The following LRRC7 variants were observed in gnomAD, a reference collection of about 807,000 sequenced individuals.
LRRC7 encodes leucine rich repeat containing 7, also known as leucine-rich repeat-containing protein 7.
In LRRC7, 23 loss-of-function variants were observed where a neutral mutation model predicts 175.7. The ratio of observed to expected loss-of-function variants is 0.13; its 90% confidence interval spans 0.09 to 0.19. The LOEUF (loss-of-function observed/expected upper bound fraction) is 0.19, where lower values mean the gene tolerates loss of function less well. Among genes scored for constraint, LRRC7 ranks in the 10% least tolerant of loss-of-function variants. LRRC7 has a pLI of 1.00. For synonymous variants in LRRC7, 685 were observed against 680.9 expected (o/e 1.01, Z -0.09); for missense variants, 1,354 against 1,904.7 (o/e 0.71, Z 5.38).
intron 7 of LRRC7, among the ~76,000 whole-genome samples, chr1:69,847,748 C>T (rs1282298746): frequency 6.6e-6 from 1 of 152,090 alleles, no homozygotes; most frequent in Non-Finnish European, 1.5e-5. Flanking sequence ...CTTAATAACG[C>T]TTGCCTGTGC....
intron 2 of LRRC7, among the ~76,000 whole-genome samples, chr1:69,712,290 A>T (rs1041555393): frequency 6.6e-6 from 1 of 151,880 alleles, no homozygotes; most frequent in Non-Finnish European, 1.5e-5. Flanking sequence ...TTTAAAATTT[A>T]ATTTTCTAAA....
chr1:69,870,498 G>A (rs1685416535), intron 7 of LRRC7, among the ~76,000 whole-genome samples: 1 of 151,912 alleles, frequency 6.6e-6, no homozygotes, highest in Admixed American at 6.6e-5. Context: ...ATAGAAATAG[G>A]TGTATAGGGA....
chr1:70,018,936 AC>A, intron 15 of LRRC7, 118 bp downstream of exon 15: 1 of 628,392 alleles, frequency 1.6e-6, no homozygotes, highest in South Asian at 2.5e-5. Flanking sequence ...AAAGATAATT[AC>A]ATGACACACA....
chr1:70,064,353 A>G (rs970748545), intron 23 of LRRC7, among the ~76,000 whole-genome samples: 9 of 151,990 alleles, frequency 5.9e-5, no homozygotes, highest in African/African-American at 1.4e-4. Flanking sequence ...GCACTGTACT[A>G]AGATGCTTAC....
At chr1:69,989,505 T>C (rs1484068602) in intron 10 of LRRC7, among the ~76,000 whole-genome samples, 2 of 151,972 alleles carry the variant, frequency 1.3e-5, no homozygotes, top group Non-Finnish European at 2.9e-5. Flanking sequence ...TATGATATAG[T>C]CAGGTATAAA....
intron 26 of LRRC7, among the ~76,000 whole-genome samples, chr1:70,109,722 T>A (rs1208904205): frequency 6.6e-6 from 1 of 152,190 alleles, no homozygotes; most frequent in Non-Finnish European, 1.5e-5. Context: ...ATTCAACTCT[T>A]TGAAAATTGT....
At chr1:69,834,425 A>G (rs941124536) in intron 5 of LRRC7, among the ~76,000 whole-genome samples, 1 of 152,126 alleles carries the variant, frequency 6.6e-6, no homozygotes, top group Non-Finnish European at 1.5e-5. Flanking sequence ...AAAAAGGAAC[A>G]TTAGTTTTAA....
rs368562517 is a variant in LRRC7 at position 69,724,583 on chromosome 1, A to G, written c.101-35608A>G. On this transcript the variant is annotated intron_variant, in intron 2 of 26. Coordinates refer to ENST00000651989, the MANE Select transcript of LRRC7 (RefSeq NM_001370785.2). ...CACAATTTGTAAAGAAGAATAAAATATGATAAATTATACAAAAAACTGACA... is the reference window on the plus strand; with the variant it reads ...CACAATTTGTAAAGAAGAATAAAATGTGATAAATTATACAAAAAACTGACA... Among the ~76,000 whole-genome samples the G allele has an allele frequency of 1.5e-4, 23 of 152,346 alleles. No individual in the cohort carries two copies. The East Asian group carries it at 4.0e-3, about 27-fold the overall frequency.
At chr1:69,666,870 G>T (rs1658345198) in intron 1 of LRRC7, among the ~76,000 whole-genome samples, 1 of 151,484 alleles carries the variant, frequency 6.6e-6, no homozygotes, top group African/African-American at 2.4e-5. Flanking sequence ...GTTTGCTCTT[G>T]CTTTTCTAGT....
intron 13 of LRRC7, among the ~76,000 whole-genome samples, chr1:70,016,164 G>T (rs1656945960): frequency 6.6e-6 from 1 of 152,168 alleles, no homozygotes. Flanking sequence ...CAGTTGTCCT[G>T]ACGGGACTGA....
At chr1:69,794,606 T>C (rs771717694) in intron 4 of LRRC7, among the ~76,000 whole-genome samples, 1 of 152,204 alleles carries the variant, frequency 6.6e-6, no homozygotes, top group Non-Finnish European at 1.5e-5. Flanking sequence ...TTCTGAGAAA[T>C]AGTATATGGA....
Position 69,715,655 on chromosome 1 carries a change from A to G in LRRC7, c.100+37177A>G, listed in dbSNP as rs567580829. On this transcript the variant is annotated intron_variant, in intron 2 of 26. Transcript: ENST00000651989. Reference sequence around the variant, plus strand: ...TTTGTTTTAATGATCACTGGGAATAACCAAATCAGTGTTTAAGGTATAATA... The same window carrying G: ...TTTGTTTTAATGATCACTGGGAATAGCCAAATCAGTGTTTAAGGTATAATA... 8.5e-5 allele frequency among the ~76,000 whole-genome samples: 13 copies of G among 152,138 alleles called. 2 individuals are homozygous for G. The highest frequency in any genetic ancestry group is 8.3e-4 in the South Asian group (4 of 4,830).
chr1:69,859,021 G>T (rs753463435), intron 7 of LRRC7, among the ~76,000 whole-genome samples: 4 of 152,062 alleles, frequency 2.6e-5, no homozygotes, highest in Admixed American at 2.6e-4. Context: ...AGGAGCAATT[G>T]ACAGCAATAC....
Position 69,764,730 on chromosome 1 carries a change from C to CAGATAGATAGAT in LRRC7, c.303+4377_303+4388dup, listed in dbSNP as rs112836690. On this transcript the variant is annotated intron_variant, in intron 3 of 26. Coordinates refer to ENST00000651989, the MANE Select transcript of LRRC7 (RefSeq NM_001370785.2). ...ATAGATAGGTAGGTAGATAGATAGA[C>CAGATAGATAGAT]AGATAGATAGATAGATAGATAGATA... Among the ~76,000 whole-genome samples the CAGATAGATAGAT allele has an allele frequency of 9.9e-3, 1,384 of 140,368 alleles. 14 individuals are homozygous for CAGATAGATAGAT. Among genetic ancestry groups the CAGATAGATAGAT allele is most frequent in the African/African-American group, 0.012 (453 of 37,474 alleles). 92.1% of individuals were successfully genotyped at this position (140,368 alleles called of 152,430 possible).
chr1:69,795,208 C>T lies in LRRC7; in HGVS notation c.421+3048C>T, dbSNP rs549241038. Among the ~76,000 whole-genome samples the T allele has an allele frequency of 3.3e-5, 5 of 152,090 alleles. No homozygotes were observed. The East Asian group carries it at 5.8e-4, about 18-fold the overall frequency. ...CAGCCAGGCCAACATGGTGAAACCC[C>T]GTCTTGACTAAAAATATAAAAATTA... On this transcript the variant is annotated intron_variant, in intron 4 of 26. Transcript: ENST00000651989.
chr1:69,659,035 A>G (rs1026202160), intron 1 of LRRC7, among the ~76,000 whole-genome samples: 1 of 152,002 alleles, frequency 6.6e-6, no homozygotes, highest in Non-Finnish European at 1.5e-5. Context: ...GGGTTGTCCA[A>G]GAGGAACTGC....
Position 70,140,054 on chromosome 1 carries a change from G to A in LRRC7, c.*18167G>A, listed in dbSNP as rs74586623. On this transcript the variant is annotated 3_prime_UTR_variant, in exon 27 of 27. Coordinates refer to ENST00000651989, the MANE Select transcript of LRRC7 (RefSeq NM_001370785.2). ...AAATGGTGGGTTTTTTCGTTTTTTT[G>A]TGTGTTGGAGTAATTGAAAAGATAC... The A allele has an allele frequency of 6.6e-6, 1 of 151,726 alleles. No homozygotes were observed. Among genetic ancestry groups the A allele is most frequent in the Non-Finnish European group, 1.5e-5 (1 of 67,944 alleles). The allele number at this position is 151,726 out of a possible 1,614,324, so 9.4% of individuals were successfully genotyped here.
chr1:70,111,653 A>G (rs926864143), intron 26 of LRRC7, among the ~76,000 whole-genome samples: 3 of 152,218 alleles, frequency 2.0e-5, no homozygotes, highest in African/African-American at 7.2e-5. Flanking sequence ...TGAATACAGA[A>G]AATCTAGTAA....
intron 24 of LRRC7, among the ~76,000 whole-genome samples, chr1:70,085,052 C>T (rs1446761415): frequency 6.6e-6 from 1 of 152,032 alleles, no homozygotes; most frequent in Admixed American, 6.6e-5. Flanking sequence ...CAACCCTAAT[C>T]AGATATATTA....
Sources: gnomAD v4.1 joint callset for allele counts (sites outside exome capture counted in the v4.1 genomes callset) on GRCh38, gnomAD v4.1.1 for gene constraint, MANE v1.5 for transcripts, NCBI Gene and HGNC (gene_info 2026-07-23, HGNC 2026-07-21) for gene names.